NCAN: variants seen among roughly 807,000 people sequenced by gnomAD.
The protein encoded by NCAN is neurocan.
NCAN carries 47 observed loss-of-function variants against 121.8 expected under a neutral mutation model. That is an observed-to-expected ratio of 0.39 (90% CI 0.31 to 0.49). NCAN has a LOEUF of 0.49. Among genes scored for constraint, NCAN ranks in the 20% least tolerant of loss-of-function variants. The pLI, the probability that NCAN is intolerant of heterozygous loss-of-function variation, is 0.92. For missense variants in NCAN, 1,517 were observed against 1,773.4 expected, an observed-to-expected ratio of 0.86 and a Z score of 2.60; for synonymous variants, 633 against 702.0, an observed-to-expected ratio of 0.90 and a Z score of 1.55.
In NCAN at chr19:19,226,565, G is replaced by A. The variant is rs1020743735; in HGVS notation, c.1152G>A (p.Gly384=). 3 of 1,613,492 alleles carry A rather than the reference G, an allele frequency of 1.9e-6. No homozygotes were observed. Among genetic ancestry groups the A allele is most frequent in the African/African-American group, 2.7e-5 (2 of 74,920 alleles). Residue 384 remains glycine (G), a synonymous_variant, in exon 7 of 15, where the codon GGG becomes GGA. Coordinates refer to ENST00000252575, the MANE Select transcript of NCAN (RefSeq NM_004386.3). ...GDEGEILSAE[G]PPVRELEPTL... The stretch of plus-strand genomic sequence containing the variant: ...AGGGGGAGATTCTGTCAGCAGAGGG[G>A]CCCCCAGTTAGAGAACTGGAGCCCA...
chr19:19,235,163 C>T (rs908036253), intron 10 of NCAN, 67 bp downstream of exon 10: 4 of 950,406 alleles, frequency 4.2e-6, no homozygotes, highest in Non-Finnish European at 6.7e-6. Flanking sequence ...CACAGGCTTC[C>T]CCACATACTC....
intron 12 of NCAN, 71 bp from the exon 13 acceptor site, chr19:19,245,242 C>T: frequency 6.4e-7 from 1 of 1,572,754 alleles, no homozygotes; most frequent in Admixed American, 1.8e-5. Context: ...GGGAGTCCCA[C>T]AGCAGGAATT....
rs766152703 is a variant in NCAN, at chr19:19,235,060, T to G, written c.3214T>G (p.Cys1072Gly). The G allele has an allele frequency of 2.5e-6, 4 of 1,613,042 alleles. No homozygotes were observed. Among genetic ancestry groups the G allele is most frequent in the Non-Finnish European group, 3.4e-6 (4 of 1,179,208 alleles). The change falls in exon 10 of 15, where the codon TGC becomes GGC. Residue 1072 changes from cysteine (C) to glycine (G), a missense_variant. Transcript: ENST00000252575. ...IDEVNGFVCL[C>G]LPSYGGSFCE... ...TGAGGTCAATGGCTTTGTCTGCCTT[T>G]GCCTCCCCAGCTATGGGGGCAGCTT...
chr19:19,228,510 C>A lies in NCAN; in HGVS notation c.2890C>A (p.Leu964Met), dbSNP rs1385470363. The change falls in exon 8 of 15, where the codon CTG (leucine) becomes ATG (methionine). Residue 964 changes from leucine (L) to methionine (M), a missense_variant. Physicochemically the swap from Leu to Met is conservative, Grantham distance 15. Coordinates refer to ENST00000252575, the MANE Select transcript of NCAN (RefSeq NM_004386.3). ...DPSSTLLPVT[L>M]GIEDFELEVL... ...CTCCAGCACCCTGCTGCCTGTCACC[C>A]TGGGCATAGAGGACTTCGAACTGGA... 1 of 1,613,478 alleles carries A rather than the reference C, an allele frequency of 6.2e-7. No individual in the cohort carries two copies. Among genetic ancestry groups the A allele is most frequent in the East Asian group, 2.2e-5 (1 of 44,888 alleles).
chr19:19,225,999 G>T lies in NCAN; in HGVS notation c.1073-487G>T, dbSNP rs778093571. 1.3e-5 allele frequency among the ~76,000 whole-genome samples: 2 copies of T among 151,470 alleles called. No homozygotes were observed. Among genetic ancestry groups the T allele is most frequent in the African/African-American group, 4.9e-5 (2 of 41,174 alleles). ...GGCTGGAGTGCAGTGGTGTGATCTC[G>T]GCTCACTGCAACCTCCACCTCCCTT... On this transcript the variant is annotated intron_variant, in intron 6 of 14. Coordinates refer to ENST00000252575, the MANE Select transcript of NCAN (RefSeq NM_004386.3). This position sits in a 1 kb window ranked among gnomAD's most constrained non-coding sequence, Gnocchi z 4.0.
At position 19,249,748 on chromosome 19, in the gene NCAN, T is replaced by C. The variant is rs2060939589; in HGVS notation, c.3821-18T>C. On this transcript the variant is annotated intron_variant, in intron 14 of 14. Coordinates refer to ENST00000252575, the MANE Select transcript of NCAN (RefSeq NM_004386.3). ...ACCACCTTTTGTCCCTTCCCTGTCCTCCCTCACTTCCCTGCAGCCAGACGT... is the reference window on the plus strand; with the variant it reads ...ACCACCTTTTGTCCCTTCCCTGTCCCCCCTCACTTCCCTGCAGCCAGACGT... The C allele has an allele frequency of 6.3e-7, 1 of 1,585,246 alleles. No homozygotes were observed. The highest frequency in any genetic ancestry group is 8.6e-7 in the Non-Finnish European group (1 of 1,167,436).
Position 19,227,836 on chromosome 19 carries a change from T to C in NCAN, c.2216T>C (p.Val739Ala). ...SVNRNVAVGF[V>A]PTETATEPTG... is the part of the protein sequence containing the mutation. ...AACAGGAATGTGGCTGTAGGTTTTG[T>C]CCCCACTGAGACTGCCACTGAGCCA... The change falls in exon 8 of 15, where the codon GTC (valine) becomes GCC (alanine). Residue 739 changes from valine (V) to alanine (A), a missense_variant. Transcript: ENST00000252575. This position sits in a 1 kb window ranked among gnomAD's most constrained non-coding sequence, Gnocchi z 4.2. The C allele has an allele frequency of 6.2e-7, 1 of 1,613,572 alleles. No homozygotes were observed. Among genetic ancestry groups the C allele is most frequent in the Non-Finnish European group, 8.5e-7 (1 of 1,179,990 alleles).
chr19:19,247,357 C>G (rs1469212310), intron 13 of NCAN, among the ~76,000 whole-genome samples: 5 of 152,136 alleles, frequency 3.3e-5, no homozygotes, highest in Admixed American at 2.6e-4. Flanking sequence ...GGGTTCACGC[C>G]ATTCTCCTGC....
In NCAN at chr19:19,227,079, T is replaced by G; in HGVS notation, c.1660+6T>G. 1 of 1,506,730 alleles carries G rather than the reference T, an allele frequency of 6.6e-7. No individual in the cohort carries two copies. The allele number at this position is 1,506,730 out of a possible 1,614,324, so 93.3% of individuals were successfully genotyped here. A position where few individuals can be genotyped will look rare whatever the true frequency, so the allele number is the denominator to read the frequency against. On this transcript the variant is annotated splice_donor_region_variant and intron_variant, in intron 7 of 14. Coordinates refer to ENST00000252575, the MANE Select transcript of NCAN (RefSeq NM_004386.3). This position sits in a 1 kb window ranked among gnomAD's most constrained non-coding sequence, Gnocchi z 4.2. Reference sequence around the variant, plus strand: ...GGTGGATATGCCTGGAGCTGGTGAGTTGCTCTGGGGGAGGCGGGACCTACC... The same window carrying G: ...GGTGGATATGCCTGGAGCTGGTGAGGTGCTCTGGGGGAGGCGGGACCTACC...
chr19:19,247,402 C>T (rs752000912), intron 13 of NCAN, among the ~76,000 whole-genome samples: 4 of 152,152 alleles, frequency 2.6e-5, no homozygotes, highest in Non-Finnish European at 5.9e-5. Context: ...TACAGGCGCA[C>T]GCTGCCACAC....
intron 12 of NCAN, among the ~76,000 whole-genome samples, chr19:19,244,011 C>G (rs2060914476): frequency 6.6e-6 from 1 of 152,056 alleles, no homozygotes; most frequent in Admixed American, 6.6e-5. Flanking sequence ...AGCCTGGGCT[C>G]TGTCTCAAAC....
intron 1 of NCAN, among the ~76,000 whole-genome samples, chr19:19,216,144 T>C (rs1441512688): frequency 6.6e-6 from 1 of 152,096 alleles, no homozygotes; most frequent in Non-Finnish European, 1.5e-5. Context: ...GATTGTTTTT[T>C]GTTGTTGTGT....
In NCAN at chr19:19,249,029, C is replaced by A. The variant is rs2060936589; in HGVS notation, c.3820+147C>A. The A allele has an allele frequency of 4.0e-6, 3 of 750,764 alleles. No individual in the cohort carries two copies. In the South Asian group the frequency reaches 5.5e-5, roughly 14 times the overall value. The allele number at this position is 750,764 out of a possible 1,614,324, so 46.5% of individuals were successfully genotyped here. ...GATAAGTGAGAACTTACCAGCCTGT[C>A]TGATGTTTCCTTCATTTGTGTGTGT... On this transcript the variant is annotated intron_variant, in intron 14 of 14. Coordinates refer to ENST00000252575, the MANE Select transcript of NCAN (RefSeq NM_004386.3).
chr19:19,222,369 C>T (rs1194320080), intron 3 of NCAN, among the ~76,000 whole-genome samples: 1 of 152,152 alleles, frequency 6.6e-6, no homozygotes, highest in East Asian at 1.9e-4. Flanking sequence ...ACCTCTGCCT[C>T]GTGGGTTCAA....
At position 19,228,628 on chromosome 19, in the gene NCAN, G is replaced by A. The variant is rs768162493; in HGVS notation, c.3008G>A (p.Gly1003Asp). 4 of 1,609,326 alleles carry A rather than the reference G, an allele frequency of 2.5e-6. No homozygotes were observed. The highest frequency in any genetic ancestry group is 1.3e-5 in the African/African-American group (1 of 74,866). Residue 1003 changes from glycine (G) to aspartate (D), a missense_variant, in exon 8 of 15, where the codon GGT becomes GAT. Coordinates refer to ENST00000252575, the MANE Select transcript of NCAN (RefSeq NM_004386.3). ...CTGCCAGGGACCCCTATGAATGCAG[G>A]TGCGGAGGAGGGTGAGTACAAAGTC... ...PALPGTPMNA[G>D]AEEVHSDPCE...
chr19:19,240,278 T>C (rs1339695144), intron 11 of NCAN, among the ~76,000 whole-genome samples: 2 of 151,402 alleles, frequency 1.3e-5, no homozygotes, highest in South Asian at 4.2e-4. Context: ...ACTTCACTTC[T>C]ATCTCCTTCC....
At position 19,238,359 on chromosome 19, in the gene NCAN, C is replaced by T. The variant is rs949957483; in HGVS notation, c.3357C>T (p.Arg1119=). Residue 1119 remains arginine, a synonymous_variant, in exon 11 of 15, where the codon CGC becomes CGT. Coordinates refer to ENST00000252575, the MANE Select transcript of NCAN (RefSeq NM_004386.3). The part of the protein sequence containing the change: ...WEDAEKDCRR[R]SGHLTSVHSP... ...ATGCCGAGAAGGACTGCCGCCGCCG[C>T]TCCGGCCACCTGACCAGCGTCCACT... The T allele has an allele frequency of 1.2e-6, 2 of 1,614,218 alleles. No homozygotes were observed. The highest frequency in any genetic ancestry group is 2.2e-5 in the South Asian group (2 of 91,088).
intron 1 of NCAN, among the ~76,000 whole-genome samples, chr19:19,214,091 G>A (rs527763344): frequency 3.9e-5 from 6 of 152,014 alleles, no homozygotes; most frequent in East Asian, 1.9e-4. Context: ...ACAACACCCC[G>A]GACACACACC....
chr19:19,220,348 TAA>T (rs1268446546), intron 3 of NCAN, among the ~76,000 whole-genome samples: 1 of 151,848 alleles, frequency 6.6e-6, no homozygotes, highest in African/African-American at 2.4e-5. Flanking sequence ...AAAATAAACT[TAA>T]GTTTTTTTCT....
Sources: allele counts gnomAD v4.1 joint callset (sites outside exome capture counted in the v4.1 genomes callset), GRCh38; gene constraint gnomAD v4.1.1; non-coding constraint Gnocchi (gnomAD v3.1); transcripts MANE v1.5; gene names NCBI Gene and HGNC (gene_info 2026-07-23, HGNC 2026-07-21).